The following ATG7 variants were observed in gnomAD, a reference collection of about 807,000 sequenced individuals.
ATG7 encodes the protein autophagy related 7, also known as ubiquitin-like modifier-activating enzyme ATG7.
A neutral mutation model predicts 82.4 loss-of-function variants in ATG7; 70 were observed. The ratio of observed to expected loss-of-function variants is 0.85; its 90% confidence interval spans 0.70 to 1.04. The LOEUF (loss-of-function observed/expected upper bound fraction) is 1.04. ATG7 is among the 50% of genes least tolerant of loss of function. The pLI is 0.00. For synonymous variants in ATG7, 287 were observed against 313.0 expected (o/e 0.92, Z 0.88); for missense variants, 792 against 864.3 (o/e 0.92, Z 1.05).
intron 20 of ATG7, among the ~76,000 whole-genome samples, chr3:11,489,458 G>C (rs2090127420): frequency 6.9e-6 from 1 of 144,072 alleles, no homozygotes; most frequent in African/African-American, 2.6e-5. Context: ...TTTTTTGAAG[G>C]GTTTTTTGTG....
At chr3:11,329,093 G>A (rs1183492508) in intron 9 of ATG7, among the ~76,000 whole-genome samples, 1 of 152,152 alleles carries the variant, frequency 6.6e-6, no homozygotes, top group East Asian at 1.9e-4. Flanking sequence ...AATAACGTGA[G>A]ACTCTGTCTC....
chr3:11,297,431 G>A (rs982100759), intron 3 of ATG7, among the ~76,000 whole-genome samples: 11 of 152,124 alleles, frequency 7.2e-5, no homozygotes, highest in South Asian at 4.1e-4. Context: ...GGGGTAATTG[G>A]ACAGAATGGA....
chr3:11,474,548 C>T (rs1461451320), intron 20 of ATG7, among the ~76,000 whole-genome samples: 1 of 152,162 alleles, frequency 6.6e-6, no homozygotes, highest in Non-Finnish European at 1.5e-5. Flanking sequence ...TGCAGTGAGC[C>T]AAGATCATAC....
chr3:11,364,522 G>GT, intron 17 of ATG7, 137 bp from the exon 18 acceptor site: 1 of 895,436 alleles, frequency 1.1e-6, no homozygotes, highest in Admixed American at 2.3e-5. Flanking sequence ...AGGGAAATTA[G>GT]TTTTTTGCTA....
intron 16 of ATG7, 117 bp from the exon 17 acceptor site, chr3:11,362,696 C>A: frequency 1.4e-6 from 1 of 737,078 alleles, no homozygotes; most frequent in Non-Finnish European, 2.2e-6. Context: ...TGTTCTTTGC[C>A]AACAATGAGC....
In ATG7 at chr3:11,492,278, C is replaced by A. The variant is rs563975509; in HGVS notation, c.2080-62533C>A. On this transcript the variant is annotated intron_variant, in intron 20 of 20. Coordinates refer to ENST00000693202, the MANE Select transcript of ATG7 (RefSeq NM_001349232.2). ...GACTAGGCAAGGGAACTCCCTGACCCCTTGCACTTCCCGAGTGAGGCAATG... is the reference window on the plus strand; with the variant it reads ...GACTAGGCAAGGGAACTCCCTGACCACTTGCACTTCCCGAGTGAGGCAATG... Among the ~76,000 whole-genome samples the A allele has an allele frequency of 3.9e-5, 6 of 152,324 alleles. 1 individual carries two copies. In the South Asian group the frequency reaches 1.2e-3, roughly 32 times the overall value.
intron 20 of ATG7, among the ~76,000 whole-genome samples, chr3:11,545,956 T>C (rs957569488): frequency 1.3e-5 from 2 of 148,900 alleles, no homozygotes; most frequent in African/African-American, 2.5e-5. Context: ...CTGGGCAACA[T>C]AGGGAGACCC....
intron 18 of ATG7, among the ~76,000 whole-genome samples, chr3:11,379,451 A>AT (rs1446335057): frequency 6.6e-6 from 1 of 152,180 alleles, no homozygotes; most frequent in Non-Finnish European, 1.5e-5. Context: ...GATGTTTTAC[A>AT]TTTTATCTCT....
chr3:11,462,892 TA>T (rs2086473473), intron 20 of ATG7, among the ~76,000 whole-genome samples: 10 of 144,196 alleles, frequency 6.9e-5, no homozygotes, highest in Admixed American at 1.4e-4. Context: ...TTTATTTATT[TA>T]TTTATTTTTG....
intron 20 of ATG7, among the ~76,000 whole-genome samples, chr3:11,496,414 C>T (rs1387058214): frequency 6.6e-6 from 1 of 152,176 alleles, no homozygotes; most frequent in African/African-American, 2.4e-5. Context: ...TCCCTCCCTC[C>T]CTTCCTTTCT....
intron 20 of ATG7, among the ~76,000 whole-genome samples, chr3:11,493,071 A>G (rs1185242426): frequency 6.6e-6 from 1 of 152,250 alleles, no homozygotes; most frequent in African/African-American, 2.4e-5. Context: ...TGGATCCCAA[A>G]TTGTTGTCCA....
chr3:11,388,301 C>A (rs1411053047), intron 19 of ATG7, among the ~76,000 whole-genome samples: 1 of 152,046 alleles, frequency 6.6e-6, no homozygotes, highest in Non-Finnish European at 1.5e-5. Context: ...CAGCTGTATC[C>A]AACTGGGTGA....
Position 11,405,982 on chromosome 3 carries a change from T to C in ATG7, c.1957-20822T>C, listed in dbSNP as rs563677113. On this transcript the variant is annotated intron_variant, in intron 19 of 20. Coordinates refer to ENST00000693202, the MANE Select transcript of ATG7 (RefSeq NM_001349232.2). ...CCTTTTCTTCCTTCCTTCCTTGCTT[T>C]TTTTTGTTTTTGTTTTTGTTTTTTG... Among the ~76,000 whole-genome samples, 64 of 90,506 alleles carry C rather than the reference T, an allele frequency of 7.1e-4. No individual in the cohort carries two copies. The South Asian group carries it at 0.034, about 47-fold the overall frequency. The allele number at this position is 90,506 out of a possible 152,430, so 59.4% of individuals were successfully genotyped here.
At chr3:11,505,116 A>T (rs2091619252) in intron 20 of ATG7, among the ~76,000 whole-genome samples, 1 of 152,244 alleles carries the variant, frequency 6.6e-6, no homozygotes, top group African/African-American at 2.4e-5. Context: ...GGAGCCTGTT[A>T]ATTTTCATAA....
intron 20 of ATG7, among the ~76,000 whole-genome samples, chr3:11,481,699 C>CT (rs1276657657): frequency 1.3e-5 from 2 of 152,214 alleles, no homozygotes; most frequent in African/African-American, 4.8e-5. Flanking sequence ...CTTTGTTGAG[C>CT]TTGGAGCACA....
At chr3:11,414,153 C>T (rs546874725) in intron 19 of ATG7, among the ~76,000 whole-genome samples, 2 of 152,292 alleles carry the variant, frequency 1.3e-5, no homozygotes, top group South Asian at 4.1e-4. Context: ...ACCTCCACCT[C>T]CTCCCAGGTT....
intron 20 of ATG7, among the ~76,000 whole-genome samples, chr3:11,503,354 A>C (rs2091477510): frequency 6.6e-6 from 1 of 152,198 alleles, no homozygotes; most frequent in Non-Finnish European, 1.5e-5. Context: ...TGTCCCAAAA[A>C]ATTCTACTAT....
intron 3 of ATG7, among the ~76,000 whole-genome samples, chr3:11,286,793 G>A (rs987560237): frequency 4.0e-5 from 6 of 151,610 alleles, no homozygotes; most frequent in Admixed American, 3.3e-4. Context: ...TGGTAGAGAC[G>A]GAATGTTGCC....
chr3:11,290,059 C>T (rs1177869607), intron 3 of ATG7, among the ~76,000 whole-genome samples: 1 of 152,082 alleles, frequency 6.6e-6, no homozygotes, highest in African/African-American at 2.4e-5. Context: ...TAGTATAGAC[C>T]GGGTAGGAAA....
Sources: allele counts gnomAD v4.1 joint callset (sites outside exome capture counted in the v4.1 genomes callset), GRCh38; gene constraint gnomAD v4.1.1; transcripts MANE v1.5; gene names NCBI Gene and HGNC (gene_info 2026-07-23, HGNC 2026-07-21).